KHDRBS2: variants seen among roughly 807,000 people sequenced by gnomAD.
KHDRBS2 encodes KH RNA binding domain containing, signal transduction associated 2.
KHDRBS2 carries 26 observed loss-of-function variants against 44.3 expected under a neutral mutation model. The observed-to-expected ratio is 0.59, with a 90% CI of 0.43 to 0.81. The LOEUF is 0.81. Ranked by LOEUF, KHDRBS2 falls within the 40% of genes least tolerant of loss-of-function variation. The probability of loss-of-function intolerance (pLI) is 0.00; values close to 1 mark genes in which losing one functional copy is unlikely to be tolerated. For missense variants in KHDRBS2, 476 were observed against 433.1 expected (o/e 1.10, Z -0.88); for synonymous variants, 194 against 151.1 (o/e 1.28, Z -2.08).
At chr6:62,116,604 T>C (rs556706004) in intron 2 of KHDRBS2, among the ~76,000 whole-genome samples, 3 of 152,312 alleles carry the variant, frequency 2.0e-5, no homozygotes, top group Admixed American at 6.5e-5. Context: ...TGTCTTTGTG[T>C]TGGGAACATT....
intron 2 of KHDRBS2, among the ~76,000 whole-genome samples, chr6:62,162,217 T>G (rs780137648): frequency 5.9e-5 from 9 of 152,208 alleles, no homozygotes; most frequent in Middle Eastern, 3.4e-3. Context: ...GTCTAGTGTC[T>G]TTTAATTTCA....
At chr6:61,555,664 T>C in the KHDRBS2 span, among the ~76,000 whole-genome samples, 3 of 152,238 alleles carry the variant, frequency 2.0e-5, no homozygotes, top group Non-Finnish European at 1.5e-5. Context: ...TCGAAGTTGC[T>C]GTCCTTTGGA....
At chr6:61,603,672 T>C in the KHDRBS2 span, among the ~76,000 whole-genome samples, 1 of 152,166 alleles carries the variant, frequency 6.6e-6, no homozygotes, top group Non-Finnish European at 1.5e-5. Context: ...TCTACAGTTC[T>C]CATAACTTCC....
intron 6 of KHDRBS2, among the ~76,000 whole-genome samples, chr6:61,867,672 G>C (rs768943936): frequency 6.6e-6 from 1 of 152,110 alleles, no homozygotes; most frequent in Non-Finnish European, 1.5e-5. Context: ...TGTTTGTTTG[G>C]CTTTTAACAG....
intron 2 of KHDRBS2, among the ~76,000 whole-genome samples, chr6:62,093,682 C>T (rs1322084806): frequency 1.3e-5 from 2 of 151,770 alleles, no homozygotes; most frequent in African/African-American, 2.4e-5. Context: ...AACCACTATT[C>T]CACTCTCTAC....
chr6:61,937,402 T>C (rs1201228957), intron 4 of KHDRBS2, among the ~76,000 whole-genome samples: 2 of 152,122 alleles, frequency 1.3e-5, no homozygotes, highest in Non-Finnish European at 2.9e-5. Flanking sequence ...ATACTTCTAC[T>C]ACTCTTCTAG....
intron 3 of KHDRBS2, among the ~76,000 whole-genome samples, chr6:62,043,240 A>T (rs1460510563): frequency 1.3e-5 from 2 of 152,062 alleles, no homozygotes. Flanking sequence ...ACACCCCCCA[A>T]AATAGCAACA....
At chr6:61,804,245 C>G (rs573578835) in intron 6 of KHDRBS2, among the ~76,000 whole-genome samples, 1 of 152,282 alleles carries the variant, frequency 6.6e-6, no homozygotes, top group South Asian at 2.1e-4. Context: ...GTAATTAAAT[C>G]TTAAAGCTCC....
At chr6:61,666,337 G>C in the KHDRBS2 span, among the ~76,000 whole-genome samples, 1 of 151,364 alleles carries the variant, frequency 6.6e-6, no homozygotes, top group African/African-American at 2.4e-5. Context: ...TATTATTATA[G>C]TATTTTTGCT....
At chr6:61,958,010 G>A (rs1158925944) in intron 4 of KHDRBS2, among the ~76,000 whole-genome samples, 1 of 151,910 alleles carries the variant, frequency 6.6e-6, no homozygotes, top group African/African-American at 2.4e-5. Context: ...GAAATATCAG[G>A]GGTGAATTTT....
At chr6:62,010,554 C>A (rs1234322314) in intron 3 of KHDRBS2, among the ~76,000 whole-genome samples, 1 of 152,146 alleles carries the variant, frequency 6.6e-6, no homozygotes, top group African/African-American at 2.4e-5. Context: ...ACCCAAATCT[C>A]ATCTTACAGC....
intron 6 of KHDRBS2, among the ~76,000 whole-genome samples, chr6:61,743,738 G>A (rs1416872190): frequency 4.0e-5 from 6 of 151,168 alleles, no homozygotes; most frequent in African/African-American, 9.7e-5. Flanking sequence ...CCATTAACTC[G>A]TCATTTAGCA....
At chr6:61,942,978 A>G in intron 4 of KHDRBS2, among the ~76,000 whole-genome samples, 1 of 131,788 alleles carries the variant, frequency 7.6e-6, no homozygotes, top group Non-Finnish European at 1.6e-5. Flanking sequence ...AGAGGGAGGG[A>G]GGGGGAGGTA....
At chr6:62,267,727 C>G (rs1839428898) in intron 1 of KHDRBS2, among the ~76,000 whole-genome samples, 1 of 151,962 alleles carries the variant, frequency 6.6e-6, no homozygotes, top group Non-Finnish European at 1.5e-5. Context: ...CTATTCCCCC[C>G]ATGTGGATCT....
chr6:62,231,029 C>T (rs1318719144), intron 1 of KHDRBS2, among the ~76,000 whole-genome samples: 1 of 152,140 alleles, frequency 6.6e-6, no homozygotes, highest in Non-Finnish European at 1.5e-5. Flanking sequence ...AACACATGAG[C>T]TATTATACCT....
intron 4 of KHDRBS2, among the ~76,000 whole-genome samples, chr6:61,939,265 T>G (rs1034046962): frequency 2.0e-5 from 3 of 152,152 alleles, no homozygotes; most frequent in Admixed American, 2.0e-4. Flanking sequence ...ATAGACACAT[T>G]CAAGTATTCA....
chr6:62,117,934 C>T (rs1351304062), intron 2 of KHDRBS2, among the ~76,000 whole-genome samples: 2 of 152,086 alleles, frequency 1.3e-5, no homozygotes, highest in African/African-American at 4.8e-5. Context: ...CACCACTACA[C>T]CTGGCTAATT....
chr6:62,260,806 GT>G (rs554091482), intron 1 of KHDRBS2, among the ~76,000 whole-genome samples: 1 of 151,922 alleles, frequency 6.6e-6, no homozygotes, highest in East Asian at 1.9e-4. Context: ...CATTCCTGTT[GT>G]TTTTAAGTAT....
chr6:62,144,819 T>C (rs1267599502), intron 2 of KHDRBS2, among the ~76,000 whole-genome samples: 1 of 151,918 alleles, frequency 6.6e-6, no homozygotes, highest in Non-Finnish European at 1.5e-5. Context: ...GGTGGTGCCA[T>C]GGATGAAGAA....
Sources: gnomAD v4.1 joint callset for allele counts (sites outside exome capture counted in the v4.1 genomes callset) on GRCh38, gnomAD v4.1.1 for gene constraint, MANE v1.5 for transcripts, NCBI Gene and HGNC (gene_info 2026-07-23, HGNC 2026-07-21) for gene names.